CNTNAP2: variants seen among roughly 807,000 people sequenced by gnomAD.
CNTNAP2 encodes contactin-associated protein-like 2.
A neutral mutation model predicts 155.2 loss-of-function variants in CNTNAP2; 98 were observed. The observed-to-expected ratio is 0.63, with a 90% confidence interval of 0.54 to 0.75. The LOEUF (loss-of-function observed/expected upper bound fraction) is 0.75, where lower values mean the gene tolerates loss of function less well. Ranked by LOEUF, CNTNAP2 falls within the 30% of genes least tolerant of loss-of-function variation. CNTNAP2 has a pLI of 0.00. For missense variants in CNTNAP2, 1,727 were observed against 1,688.1 expected, an observed-to-expected ratio of 1.02 and a Z score of -0.40; for synonymous variants, 651 against 631.2, an observed-to-expected ratio of 1.03 and a Z score of -0.47.
At chr7:146,960,660 G>T (rs1797538767) in intron 3 of CNTNAP2, among the ~76,000 whole-genome samples, 1 of 152,172 alleles carries the variant, frequency 6.6e-6, no homozygotes, top group African/African-American at 2.4e-5. Flanking sequence ...AATATTAGTT[G>T]TTCTTTATAT....
At chr7:147,926,407 G>A (rs922116385) in intron 14 of CNTNAP2, among the ~76,000 whole-genome samples, 1 of 152,098 alleles carries the variant, frequency 6.6e-6, no homozygotes. Context: ...AAATGGGAAG[G>A]TACATTCTAT....
chr7:146,554,807 G>C (rs943532246), intron 1 of CNTNAP2, among the ~76,000 whole-genome samples: 2 of 152,322 alleles, frequency 1.3e-5, no homozygotes, highest in South Asian at 2.1e-4. Flanking sequence ...GTAAGGCAGC[G>C]TAAGAGCCAG....
At position 147,684,470 on chromosome 7, in the gene CNTNAP2, A is replaced by G. The variant is rs371159839; in HGVS notation, c.2098+45164A>G. On this transcript the variant is annotated intron_variant, in intron 13 of 23. Transcript: ENST00000361727. ...GACTTTTAGATCCCTATAAAAGCCA[A>G]TAAGACAAATTTGATTCAATGGGAA... 3.9e-5 allele frequency among the ~76,000 whole-genome samples: 6 copies of G among 152,062 alleles called. 1 individual carries two copies. The highest frequency in any genetic ancestry group is 1.4e-4 in the African/African-American group (6 of 41,552).
intron 1 of CNTNAP2, among the ~76,000 whole-genome samples, chr7:146,664,429 GGGA>G (rs1490261954): frequency 6.6e-6 from 1 of 152,004 alleles, no homozygotes; most frequent in Admixed American, 6.6e-5. Flanking sequence ...CCAAAGTGCT[GGGA>G]TTACCGGCGT....
At chr7:147,582,121 T>C (rs1185347080) in intron 12 of CNTNAP2, among the ~76,000 whole-genome samples, 1 of 152,158 alleles carries the variant, frequency 6.6e-6, no homozygotes, top group East Asian at 1.9e-4. Flanking sequence ...ATGTCTGTAA[T>C]TGACAGCCAA....
chr7:147,681,021 C>T (rs1563051024), intron 13 of CNTNAP2, among the ~76,000 whole-genome samples: 1 of 151,836 alleles, frequency 6.6e-6, no homozygotes. Flanking sequence ...TCTTGTTTGG[C>T]ATTGCTTTCA....
At chr7:148,364,466 A>G (rs1225919078) in intron 21 of CNTNAP2, among the ~76,000 whole-genome samples, 1 of 141,322 alleles carries the variant, frequency 7.1e-6, no homozygotes, top group African/African-American at 2.7e-5. Flanking sequence ...ACTTTTATGT[A>G]TAGCTCAAGG....
chr7:148,037,192 T>C (rs1196035016), intron 15 of CNTNAP2, among the ~76,000 whole-genome samples: 2 of 152,168 alleles, frequency 1.3e-5, no homozygotes, highest in East Asian at 1.9e-4. Context: ...TACTAAGGCC[T>C]TGTCTTGTGA....
At chr7:147,801,309 GTT>G (rs57750335) in intron 13 of CNTNAP2, among the ~76,000 whole-genome samples, 6 of 130,388 alleles carry the variant, frequency 4.6e-5, no homozygotes, top group African/African-American at 1.4e-4. Flanking sequence ...CTTCTATGAA[GTT>G]TTTTTTTTTT....
chr7:147,828,550 G>C (rs1466143226), intron 13 of CNTNAP2, among the ~76,000 whole-genome samples: 1 of 152,114 alleles, frequency 6.6e-6, no homozygotes, highest in Non-Finnish European at 1.5e-5. Context: ...ATCTTAATTT[G>C]ATAAAATACA....
intron 1 of CNTNAP2, among the ~76,000 whole-genome samples, chr7:146,658,911 T>A (rs1391263488): frequency 6.6e-6 from 1 of 152,100 alleles, no homozygotes; most frequent in African/African-American, 2.4e-5. Context: ...GATTAGAAGG[T>A]GCTGTAGTTT....
At chr7:147,623,111 A>C (rs1406430163) in intron 12 of CNTNAP2, among the ~76,000 whole-genome samples, 2 of 152,032 alleles carry the variant, frequency 1.3e-5, no homozygotes, top group Non-Finnish European at 2.9e-5. Flanking sequence ...AACAAGATCG[A>C]AGCTATAATA....
chr7:146,816,110 C>A (rs897007489), intron 2 of CNTNAP2, among the ~76,000 whole-genome samples: 1 of 152,118 alleles, frequency 6.6e-6, no homozygotes, highest in African/African-American at 2.4e-5. Context: ...TTTATGGCTG[C>A]ATAGTATTCC....
At chr7:147,933,167 A>G (rs1333623992) in intron 14 of CNTNAP2, among the ~76,000 whole-genome samples, 1 of 152,102 alleles carries the variant, frequency 6.6e-6, no homozygotes, top group Non-Finnish European at 1.5e-5. Context: ...ACTTGGTGTT[A>G]TTAAGGCTGT....
At chr7:147,711,678 T>G (rs1796402128) in intron 13 of CNTNAP2, among the ~76,000 whole-genome samples, 1 of 152,200 alleles carries the variant, frequency 6.6e-6, no homozygotes, top group Non-Finnish European at 1.5e-5. Flanking sequence ...AATAAACGGC[T>G]AGAGGCAGCT....
intron 8 of CNTNAP2, among the ~76,000 whole-genome samples, chr7:147,226,803 GCTA>G (rs1262957542): frequency 6.6e-6 from 1 of 152,248 alleles, no homozygotes; most frequent in Admixed American, 6.5e-5. Flanking sequence ...TACAATTCAT[GCTA>G]CTTCAGTATA....
chr7:147,646,050 G>T (rs1198175945), intron 13 of CNTNAP2, among the ~76,000 whole-genome samples: 4 of 152,218 alleles, frequency 2.6e-5, no homozygotes, highest in Admixed American at 2.6e-4. Context: ...AAGCAGAGGT[G>T]GTGGGAAGAG....
At chr7:146,198,496 T>C (rs533047560) in intron 1 of CNTNAP2, among the ~76,000 whole-genome samples, 56 of 152,302 alleles carry the variant, frequency 3.7e-4, no homozygotes, top group African/African-American at 1.3e-3. Context: ...ATTTGTTTAA[T>C]TGGGTGTTGC....
intron 1 of CNTNAP2, among the ~76,000 whole-genome samples, chr7:146,743,431 G>A (rs1027628873): frequency 3.3e-5 from 5 of 152,096 alleles, no homozygotes; most frequent in Non-Finnish European, 5.9e-5. Flanking sequence ...GTCTTTGAAT[G>A]CATCTTATTA....
Sources: gnomAD v4.1 joint callset for allele counts (sites outside exome capture counted in the v4.1 genomes callset) on GRCh38, gnomAD v4.1.1 for gene constraint, MANE v1.5 for transcripts, NCBI Gene and HGNC (gene_info 2026-07-23, HGNC 2026-07-21) for gene names.